The following RRN3 variants were observed in gnomAD, a reference collection of about 807,000 sequenced individuals.
The protein encoded by RRN3 is RNA polymerase I-specific transcription initiation factor RRN3.
A neutral mutation model predicts 82.3 loss-of-function variants in RRN3; 38 were observed. The ratio of observed to expected loss-of-function variants is 0.46; its 90% CI spans 0.36 to 0.61. RRN3 has a LOEUF of 0.61. Among genes scored for constraint, RRN3 ranks in the 20% least tolerant of loss-of-function variants. The pLI, the probability that RRN3 is intolerant of heterozygous loss-of-function variation, is 0.00. For missense variants in RRN3, 726 were observed against 793.1 expected (o/e 0.92, Z 1.02); for synonymous variants, 284 against 284.3 (o/e 1.00, Z 0.01).
intron 3 of RRN3, among the ~76,000 whole-genome samples, chr16:15,087,822 A>G (rs1409383071): frequency 1.3e-5 from 2 of 152,218 alleles, no homozygotes; most frequent in African/African-American, 4.8e-5. Context: ...ACCATTTTTA[A>G]AAGTAAATCA....
intron 11 of RRN3, 47 bp downstream of exon 11, chr16:15,074,676 C>A: frequency 1.3e-6 from 2 of 1,487,768 alleles, no homozygotes; most frequent in Non-Finnish European, 1.8e-6. Context: ...CAGCACAAAG[C>A]CAGGTACACT....
chr16:15,071,436 T>G (rs1336871335), intron 12 of RRN3, among the ~76,000 whole-genome samples, 185 bp from the exon 13 acceptor site: 3 of 152,164 alleles, frequency 2.0e-5, no homozygotes, highest in African/African-American at 7.2e-5. Flanking sequence ...CCTCGGGTGT[T>G]AAATAATCCA....
rs1367331945 is a variant in RRN3, at chr16:15,074,846, TTTC to T, written c.871_873del (p.Glu291del). Reference sequence around the variant, plus strand: ...GGACCAGCCTTTGTTTCATGTTCAGTTTCTTCATCTTCATCCTTTGAAGACAAA... The same window carrying T: ...GGACCAGCCTTTGTTTCATGTTCAGTTTCATCTTCATCCTTTGAAGACAAA... On this transcript the variant is annotated inframe_deletion, in exon 11 of 18. Coordinates refer to ENST00000198767, the MANE Select transcript of RRN3 (RefSeq NM_018427.5). The T allele has an allele frequency of 1.9e-6, 3 of 1,610,006 alleles. No individual in the cohort carries two copies. In the African/African-American group the frequency reaches 4.0e-5, roughly 22 times the overall value.
At chr16:15,082,955 C>T (rs1259580897) in intron 8 of RRN3, among the ~76,000 whole-genome samples, 20 of 152,172 alleles carry the variant, frequency 1.3e-4, no homozygotes, top group Non-Finnish European at 2.4e-4. Flanking sequence ...AAAGCCACTA[C>T]AGATATTCCT....
chr16:15,061,843 C>T lies in RRN3; in HGVS notation c.1857G>A (p.Val619=). ...LKGEVPQNDT[V]IGITPSSFDT... is the part of the protein sequence containing the mutation. ...CAAAGGAGCTTGGTGTGATCCCAAT[C>T]ACGGTATCATTCTGGGGCACTTCGC... Residue 619 remains valine, a synonymous_variant, in exon 18 of 18, where the codon GTG becomes GTA. Coordinates refer to ENST00000198767, the MANE Select transcript of RRN3 (RefSeq NM_018427.5). The T allele has an allele frequency of 1.2e-6, 2 of 1,614,050 alleles. No individual in the cohort carries two copies. The highest frequency in any genetic ancestry group is 8.5e-7 in the Non-Finnish European group (1 of 1,179,868).
At position 15,061,964 on chromosome 16, in the gene RRN3, C is replaced by A. The variant is rs931062576; in HGVS notation, c.1795-59G>T. 7 of 1,490,318 alleles carry A rather than the reference C, an allele frequency of 4.7e-6. No homozygotes were observed. The Admixed American group carries it at 1.1e-4, about 23-fold the overall frequency. 92.3% of individuals were successfully genotyped at this position (1,490,318 alleles called of 1,614,324 possible). ...CCAGTGCTGACTGAAAAGCTTTCAACAATTCCTTCCTCAGGAAGGTGTTAA... is the reference window on the plus strand; with the variant it reads ...CCAGTGCTGACTGAAAAGCTTTCAAAAATTCCTTCCTCAGGAAGGTGTTAA... On this transcript the variant is annotated intron_variant, in intron 17 of 17. Coordinates refer to ENST00000198767, the MANE Select transcript of RRN3 (RefSeq NM_018427.5).
intron 12 of RRN3, among the ~76,000 whole-genome samples, chr16:15,072,473 C>A (rs1227313817): frequency 1.3e-5 from 2 of 152,054 alleles, no homozygotes; most frequent in Admixed American, 1.3e-4. Context: ...GCTGGGCTGG[C>A]AGGCAGCAAT....
chr16:15,078,593 G>T (rs1406648901), intron 9 of RRN3, among the ~76,000 whole-genome samples: 1 of 152,010 alleles, frequency 6.6e-6, no homozygotes, highest in Admixed American at 6.6e-5. Context: ...TCCTCCTTCC[G>T]GCGGATCCTT....
rs147383643 is a variant in RRN3, at chr16:15,080,138, A to C, written c.667-42T>G. 3.0e-5 allele frequency: 47 copies of C among 1,556,314 alleles called. No individual in the cohort carries two copies. The Admixed American group carries it at 9.8e-4, about 33-fold the overall frequency. On this transcript the variant is annotated intron_variant, in intron 8 of 17. Coordinates refer to ENST00000198767, the MANE Select transcript of RRN3 (RefSeq NM_018427.5). ...AAGATAAAACATTTCAACAGAGAAT[A>C]AACGTTTCACAGTTATGTAAGCAAA...
intron 8 of RRN3, among the ~76,000 whole-genome samples, chr16:15,082,310 A>G (rs2045741174): frequency 6.6e-6 from 1 of 152,062 alleles, no homozygotes. Flanking sequence ...GCATCTACTG[A>G]GATGATTATG....
chr16:15,062,628 A>C (rs1386976589), intron 17 of RRN3, among the ~76,000 whole-genome samples: 1 of 152,218 alleles, frequency 6.6e-6, no homozygotes, highest in Non-Finnish European at 1.5e-5. Context: ...AAACTAATGT[A>C]AACTGCTGGG....
chr16:15,092,895 G>C (rs2046193589), intron 1 of RRN3, among the ~76,000 whole-genome samples: 2 of 152,050 alleles, frequency 1.3e-5, no homozygotes, highest in Non-Finnish European at 2.9e-5. Flanking sequence ...CCAACAACTT[G>C]TTTTACTACA....
intron 10 of RRN3, among the ~76,000 whole-genome samples, chr16:15,075,262 A>C (rs1230749225): frequency 2.6e-5 from 4 of 151,730 alleles, no homozygotes; most frequent in East Asian, 1.9e-4. Context: ...AAAAAAAAAA[A>C]AAAAAACTAA....
Position 15,079,849 on chromosome 16 carries a change from G to T in RRN3, c.765+149C>A, listed in dbSNP as rs56264630. ...TGACCTCAGGTGATCTGCCTGCCTCGGCCTCCCAAAGTGCTGGGAATACAG... is the reference window on the plus strand; with the variant it reads ...TGACCTCAGGTGATCTGCCTGCCTCTGCCTCCCAAAGTGCTGGGAATACAG... On this transcript the variant is annotated intron_variant, in intron 9 of 17. Coordinates refer to ENST00000198767, the MANE Select transcript of RRN3 (RefSeq NM_018427.5). The T allele has an allele frequency of 6.1e-6, 5 of 823,512 alleles. No individual in the cohort carries two copies. The South Asian group carries it at 7.6e-5, about 13-fold the overall frequency. 51.0% of individuals were successfully genotyped at this position (823,512 alleles called of 1,614,324 possible).
intron 3 of RRN3, among the ~76,000 whole-genome samples, chr16:15,087,097 A>C (rs2045940435): frequency 6.6e-6 from 1 of 152,204 alleles, no homozygotes; most frequent in African/African-American, 2.4e-5. Context: ...CAATTATGTA[A>C]AATATTACTA....
intron 3 of RRN3, among the ~76,000 whole-genome samples, 166 bp downstream of exon 3, chr16:15,091,149 T>C (rs2046116416): frequency 6.6e-6 from 1 of 152,060 alleles, no homozygotes; most frequent in Admixed American, 6.6e-5. Flanking sequence ...CATCACCAAA[T>C]GTCTTCTAGG....
chr16:15,064,472 G>A (rs1163750298), intron 16 of RRN3, among the ~76,000 whole-genome samples: 3 of 152,162 alleles, frequency 2.0e-5, no homozygotes, highest in African/African-American at 7.2e-5. Context: ...ATTACGCCCA[G>A]CCAATCGTTT....
At chr16:15,080,160 C>A (rs56344413) in intron 8 of RRN3, 64 bp from the exon 9 acceptor site, 6 of 1,509,006 alleles carry the variant, frequency 4.0e-6, no homozygotes, top group South Asian at 1.3e-5. Context: ...GTTATGTAAG[C>A]AAAACATCAA....
chr16:15,080,983 C>T (rs541676104), intron 8 of RRN3, among the ~76,000 whole-genome samples: 1 of 152,208 alleles, frequency 6.6e-6, no homozygotes, highest in South Asian at 2.1e-4. Flanking sequence ...GTAAACCATT[C>T]CTTTCATATC....
Sources: allele counts gnomAD v4.1 joint callset (sites outside exome capture counted in the v4.1 genomes callset), GRCh38; gene constraint gnomAD v4.1.1; transcripts MANE v1.5; gene names NCBI Gene and HGNC (gene_info 2026-07-23, HGNC 2026-07-21).